Variants in HSD17B12 observed in about 807,000 individuals in gnomAD.
HSD17B12 encodes hydroxysteroid 17-beta dehydrogenase 12.
A neutral mutation model predicts 39.3 loss-of-function variants in HSD17B12; 32 were observed. The ratio of observed to expected loss-of-function variants is 0.81; its 90% confidence interval spans 0.61 to 1.09. The LOEUF (loss-of-function observed/expected upper bound fraction) is 1.09. HSD17B12 is among the 50% of genes least tolerant of loss of function. The probability of loss-of-function intolerance (pLI) is 0.00; values close to 1 mark genes in which losing one functional copy is unlikely to be tolerated. For missense variants in HSD17B12, 342 were observed against 382.9 expected (o/e 0.89, Z 0.89); for synonymous variants, 150 against 146.7 (o/e 1.02, Z -0.16).
At chr11:43,668,465 T>G in the HSD17B12 span, among the ~76,000 whole-genome samples, 2 of 152,148 alleles carry the variant, frequency 1.3e-5, no homozygotes, top group Non-Finnish European at 2.9e-5. Flanking sequence ...TTTAATCACA[T>G]CCTTATAATA....
At chr11:43,830,848 C>G (rs1261360362) in intron 6 of HSD17B12, 128 bp from the exon 7 acceptor site, 1 of 695,750 alleles carries the variant, frequency 1.4e-6, no homozygotes, top group African/African-American at 1.8e-5. Context: ...CAGAAAATAA[C>G]CTGCTGTCTG....
chr11:43,678,770 C>T (rs919743973), upstream of HSD17B12, among the ~76,000 whole-genome samples: 4 of 152,136 alleles, frequency 2.6e-5, no homozygotes, highest in Non-Finnish European at 5.9e-5. Context: ...TTTCTGAGGG[C>T]TCTGTTCTGT....
upstream of HSD17B12, among the ~76,000 whole-genome samples, chr11:43,676,814 CA>C (rs753008151): frequency 1.3e-5 from 2 of 152,046 alleles, no homozygotes; most frequent in Non-Finnish European, 2.9e-5. Context: ...ACATATGCAA[CA>C]AAAAATATGT....
the HSD17B12 span, among the ~76,000 whole-genome samples, chr11:43,674,359 A>T: frequency 6.6e-6 from 1 of 152,138 alleles, no homozygotes; most frequent in Non-Finnish European, 1.5e-5. Context: ...GACCACCTGA[A>T]CTCCAAAGGG....
chr11:43,608,057 A>G, the HSD17B12 span, among the ~76,000 whole-genome samples: 1 of 152,200 alleles, frequency 6.6e-6, no homozygotes, highest in Non-Finnish European at 1.5e-5. Context: ...CTTCAAGAGG[A>G]ATATATACAT....
At chr11:43,696,904 C>T (rs1482946376) in intron 1 of HSD17B12, among the ~76,000 whole-genome samples, 1 of 151,752 alleles carries the variant, frequency 6.6e-6, no homozygotes, top group Non-Finnish European at 1.5e-5. Flanking sequence ...AGCAAACTAA[C>T]ATAGGAACAG....
At chr11:43,818,376 T>A (rs552285696) in intron 6 of HSD17B12, among the ~76,000 whole-genome samples, 7 of 152,280 alleles carry the variant, frequency 4.6e-5, no homozygotes, top group African/African-American at 1.7e-4. Flanking sequence ...AGCCAATACC[T>A]GCCAAAAGGA....
chr11:43,605,387 C>A, the HSD17B12 span, among the ~76,000 whole-genome samples: 22 of 152,034 alleles, frequency 1.4e-4, no homozygotes, highest in African/African-American at 2.9e-4. Flanking sequence ...CATGGAGAAA[C>A]CCCGTCTCTA....
chr11:43,681,860 T>C (rs1265947110), intron 1 of HSD17B12, among the ~76,000 whole-genome samples: 5 of 148,498 alleles, frequency 3.4e-5, no homozygotes, highest in Non-Finnish European at 7.4e-5. Context: ...TCAACCTATT[T>C]TGTTTCCTTC....
At position 43,739,663 on chromosome 11, in the gene HSD17B12, TCTC is replaced by T. The variant is rs549945271; in HGVS notation, c.161-11246_161-11244del. Among the ~76,000 whole-genome samples the T allele has an allele frequency of 1.2e-4, 18 of 149,998 alleles. No homozygotes were observed. The East Asian group carries it at 3.6e-3, about 30-fold the overall frequency. ...TTCATGGCCTAATCACCTCTTAATGTCTCCACTTCTTACTACTGTCACATTGGC... is the reference window on the plus strand; with the variant it reads ...TTCATGGCCTAATCACCTCTTAATGTCACTTCTTACTACTGTCACATTGGC... On this transcript the variant is annotated intron_variant, in intron 1 of 10. Coordinates refer to ENST00000278353, the MANE Select transcript of HSD17B12 (RefSeq NM_016142.3).
chr11:43,855,313 C>T lies in HSD17B12; in HGVS notation c.*65C>T. 1.1e-6 allele frequency: 1 copy of T among 898,506 alleles called. No individual in the cohort carries two copies. The highest frequency in any genetic ancestry group is 1.7e-6 in the Non-Finnish European group (1 of 594,086). The allele number at this position is 898,506 out of a possible 1,614,324, so 55.7% of individuals were successfully genotyped here. A position where few individuals can be genotyped will look rare whatever the true frequency, so the allele number is the denominator to read the frequency against. On this transcript the variant is annotated 3_prime_UTR_variant, in exon 11 of 11. Transcript: ENST00000278353. ...CATATGCACGTTCACTGCAAAGCAC[C>T]CTACTGGTTTTGAAAATCTGACCTT...
chr11:43,817,024 ATATCTATATCTATATC>A lies in HSD17B12; in HGVS notation c.501+637_501+652del, dbSNP rs977293447. Among the ~76,000 whole-genome samples the A allele has an allele frequency of 7.3e-3, 157 of 21,406 alleles. 3 individuals carry two copies. The East Asian group carries it at 0.2, about 27-fold the overall frequency. The allele number at this position is 21,406 out of a possible 152,430, so 14.0% of individuals were successfully genotyped here. A position where few individuals can be genotyped will look rare whatever the true frequency, so the allele number is the denominator to read the frequency against. On this transcript the variant is annotated intron_variant, in intron 6 of 10. Transcript: ENST00000278353. ...TATATCTATATCTATATCTATATCT[ATATCTATATCTATATC>A]TATATATATATATATATATCTCGTG... is the stretch of plus-strand genomic sequence containing the variant.
intron 3 of HSD17B12, among the ~76,000 whole-genome samples, chr11:43,757,737 T>C (rs1304201225): frequency 1.3e-5 from 1 of 79,822 alleles, no homozygotes; most frequent in Non-Finnish European, 2.8e-5. Context: ...GACAAATAAA[T>C]AATTGCAGCC....
At chr11:43,659,876 ATTAG>A in the HSD17B12 span, among the ~76,000 whole-genome samples, 1 of 152,204 alleles carries the variant, frequency 6.6e-6, no homozygotes, top group African/African-American at 2.4e-5. Flanking sequence ...GCTGAGACTT[ATTAG>A]TTCGAAAGTC....
At chr11:43,610,785 T>C in the HSD17B12 span, among the ~76,000 whole-genome samples, 102 of 152,318 alleles carry the variant, frequency 6.7e-4, no homozygotes, top group Non-Finnish European at 1.2e-3. Context: ...ATCATTGCTG[T>C]ATCCATCAGT....
At chr11:43,758,446 C>G (rs1283842239) in intron 3 of HSD17B12, among the ~76,000 whole-genome samples, 2 of 152,134 alleles carry the variant, frequency 1.3e-5, no homozygotes, top group African/African-American at 4.8e-5. Flanking sequence ...TATCCCCATC[C>G]CAAATCTCAG....
chr11:43,596,947 G>A, the HSD17B12 span, among the ~76,000 whole-genome samples: 1 of 152,180 alleles, frequency 6.6e-6, no homozygotes. Context: ...ATTTATGAAC[G>A]CCTGAAATGT....
the HSD17B12 span, among the ~76,000 whole-genome samples, chr11:43,572,080 T>G: frequency 1.3e-5 from 2 of 152,180 alleles, no homozygotes; most frequent in African/African-American, 2.4e-5. Context: ...AAAGGTTTCT[T>G]GGAAGACTGG....
At chr11:43,673,731 C>T in the HSD17B12 span, among the ~76,000 whole-genome samples, 1 of 151,722 alleles carries the variant, frequency 6.6e-6, no homozygotes, top group Non-Finnish European at 1.5e-5. Flanking sequence ...CTATATTGCC[C>T]AGGCTGATTT....
Sources: gnomAD v4.1 joint callset for allele counts (sites outside exome capture counted in the v4.1 genomes callset) on GRCh38, gnomAD v4.1.1 for gene constraint, MANE v1.5 for transcripts, NCBI Gene and HGNC (gene_info 2026-07-23, HGNC 2026-07-21) for gene names.